SHOC1: variants seen among roughly 807,000 people sequenced by gnomAD.
The protein encoded by SHOC1 is shortage in chiasmata 1.
In SHOC1, 136 loss-of-function variants were observed where a neutral mutation model predicts 179.2. The ratio of observed to expected loss-of-function variants is 0.76; its 90% confidence interval spans 0.66 to 0.87. The LOEUF (loss-of-function observed/expected upper bound fraction) is 0.87, where lower values mean the gene tolerates loss of function less well. Among genes scored for constraint, SHOC1 ranks in the 40% least tolerant of loss-of-function variants. The pLI is 0.00. For synonymous variants in SHOC1, 489 were observed against 586.6 expected, an observed-to-expected ratio of 0.83 and a Z score of 2.41; for missense variants, 1,538 against 1,700.8, an observed-to-expected ratio of 0.90 and a Z score of 1.68.
intron 5 of SHOC1, among the ~76,000 whole-genome samples, chr9:111,765,690 T>TA (rs1835323481): frequency 6.6e-6 from 1 of 152,178 alleles, no homozygotes; most frequent in Non-Finnish European, 1.5e-5. Context: ...TATTTTGAGG[T>TA]AAAATATGCC....
chr9:111,733,791 C>T (rs1194783007), intron 12 of SHOC1, among the ~76,000 whole-genome samples: 4 of 151,848 alleles, frequency 2.6e-5, no homozygotes, highest in African/African-American at 9.7e-5. Flanking sequence ...TTGCATGAAC[C>T]CAGGAGGTAG....
At chr9:111,782,871 A>G in intron 3 of SHOC1, among the ~76,000 whole-genome samples, 1 of 152,198 alleles carries the variant, frequency 6.6e-6, no homozygotes, top group East Asian at 1.9e-4. Context: ...AAACTGATAC[A>G]GAGAACTACC....
intron 2 of SHOC1, among the ~76,000 whole-genome samples, chr9:111,786,383 C>T (rs1269008139): frequency 2.0e-5 from 3 of 151,794 alleles, no homozygotes; most frequent in East Asian, 3.9e-4. Flanking sequence ...TGCAGTGAGC[C>T]GAGATCGCGC....
chr9:111,769,995 T>G (rs1250483215), intron 5 of SHOC1, among the ~76,000 whole-genome samples: 13 of 147,170 alleles, frequency 8.8e-5, no homozygotes, highest in African/African-American at 3.3e-4. Context: ...TGTTTTTTTT[T>G]TTTTTTTTTT....
In SHOC1 at chr9:111,738,457, T is replaced by C; in HGVS notation, c.1240A>G (p.Lys414Glu). The stretch of plus-strand genomic sequence containing the variant: ...AGATTAATCACAAGGCTTTCTTCTT[T>C]AACAGAAAATATCTTTTTCAAATCT... ...VTDLKKIFSV[K>E]EESLVINLEK... The change falls in exon 12 of 28, where the codon AAA (lysine) becomes GAA (glutamate). Residue 414 changes from lysine (K) to glutamate (E), a missense_variant. Coordinates refer to ENST00000682961, the MANE Select transcript of SHOC1 (RefSeq NM_001378211.1). 6.2e-7 allele frequency: 1 copy of C among 1,607,350 alleles called. No homozygotes were observed.
intron 5 of SHOC1, 114 bp from the exon 6 acceptor site, chr9:111,758,962 T>G (rs1368950682): frequency 5.5e-5 from 47 of 861,690 alleles, no homozygotes; most frequent in Non-Finnish European, 2.3e-5. Flanking sequence ...TCAATCACAT[T>G]TTAAACTCTG....
intron 14 of SHOC1, among the ~76,000 whole-genome samples, chr9:111,722,818 AT>A (rs1214841094): frequency 6.6e-6 from 1 of 152,128 alleles, no homozygotes. Context: ...TTATTTATTC[AT>A]TGAGACAGAG....
chr9:111,775,724 C>T, intron 5 of SHOC1, 67 bp downstream of exon 5: 1 of 1,367,946 alleles, frequency 7.3e-7, no homozygotes, highest in Non-Finnish European at 9.8e-7. Context: ...AAACAAAAAA[C>T]TCACTGAAAA....
In SHOC1 at chr9:111,714,632, G is replaced by A; in HGVS notation, c.2237-9C>T. On this transcript the variant is annotated splice_polypyrimidine_tract_variant and intron_variant, in intron 16 of 27. Transcript: ENST00000682961. Reference sequence around the variant, plus strand: ...TGCCTTCGACAAATATCCTATTGAAGCAAAATTAGAAAAAAATTGTCTAAG... The same window carrying A: ...TGCCTTCGACAAATATCCTATTGAAACAAAATTAGAAAAAAATTGTCTAAG... 6.3e-7 allele frequency: 1 copy of A among 1,592,612 alleles called. No individual in the cohort carries two copies. The highest frequency in any genetic ancestry group is 1.4e-5 in the African/African-American group (1 of 73,678).
At chr9:111,749,156 GACTTTGT>G (rs1391736900) in intron 8 of SHOC1, among the ~76,000 whole-genome samples, 1 of 151,868 alleles carries the variant, frequency 6.6e-6, no homozygotes, top group Admixed American at 6.6e-5. Context: ...GAAAGACATA[GACTTTGT>G]ATTTTGTTTT....
At chr9:111,708,051 T>C (rs1832360207) in intron 18 of SHOC1, 127 bp from the exon 19 acceptor site, 3 of 504,538 alleles carry the variant, frequency 5.9e-6, no homozygotes, top group Non-Finnish European at 1.0e-5. Context: ...AAAATACAAT[T>C]TGCTAGATTA....
rs767454352 is a variant in SHOC1, at chr9:111,758,718, G to T, written c.573C>A (p.Ile191=). The change falls in exon 6 of 28, where the codon ATC becomes ATA. Residue 191 remains isoleucine, a synonymous_variant. Transcript: ENST00000682961. ...KDPLLDFKGQ[I]FTEANFSREC... ...ACCTGGAAAAATTAGCTTCTGTGAA[G>T]ATCTGTCCTTTGAAATCTAAAAGAG... is the stretch of plus-strand genomic sequence containing the variant. The T allele has an allele frequency of 6.3e-7, 1 of 1,587,326 alleles. No individual in the cohort carries two copies. The highest frequency in any genetic ancestry group is 1.9e-5 in the Admixed American group (1 of 51,540).
At chr9:111,689,935 G>A (rs1831352867) in intron 27 of SHOC1, among the ~76,000 whole-genome samples, 2 of 152,078 alleles carry the variant, frequency 1.3e-5, no homozygotes, top group African/African-American at 2.4e-5. Context: ...AGTGCCCTGT[G>A]TTCAAGAACA....
chr9:111,692,038 A>C lies in SHOC1; in HGVS notation c.3939T>G (p.Thr1313=). 6.2e-7 allele frequency: 1 copy of C among 1,613,642 alleles called. No homozygotes were observed. The highest frequency in any genetic ancestry group is 8.5e-7 in the Non-Finnish European group (1 of 1,179,826). The part of the protein sequence containing the change: ...NCETIKSPTD[T]QKRVSVVPRF... ...GGGGGACAACTGACACTCTCTTCTG[A>C]GTGTCAGTTGGTGATTTTATAGTTT... Residue 1313 remains threonine, a synonymous_variant, in exon 27 of 28, where the codon ACT becomes ACG. Coordinates refer to ENST00000682961, the MANE Select transcript of SHOC1 (RefSeq NM_001378211.1).
chr9:111,754,774 AAATG>A (rs1307271615), intron 8 of SHOC1, among the ~76,000 whole-genome samples: 2 of 152,240 alleles, frequency 1.3e-5, no homozygotes, highest in Admixed American at 6.5e-5. Context: ...TTAGCCATAA[AAATG>A]AATGAAGTAC....
chr9:111,756,566 G>T, intron 7 of SHOC1, 88 bp from the exon 8 acceptor site: 2 of 1,117,636 alleles, frequency 1.8e-6, no homozygotes, highest in Non-Finnish European at 2.6e-6. Context: ...TTGCTTAAAT[G>T]ATGTGCCAAA....
intron 6 of SHOC1, 73 bp from the exon 7 acceptor site, chr9:111,758,268 TA>T: frequency 1.3e-6 from 1 of 774,154 alleles, no homozygotes; most frequent in South Asian, 2.0e-5. Context: ...CCAAAACACA[TA>T]ATCATTAAAA....
At position 111,758,812 on chromosome 9, in the gene SHOC1, C is replaced by T. The variant is rs771157636; in HGVS notation, c.479G>A (p.Ser160Asn). The T allele has an allele frequency of 1.9e-6, 3 of 1,567,242 alleles. No individual in the cohort carries two copies. In the African/African-American group the frequency reaches 4.1e-5, roughly 21 times the overall value. The change falls in exon 6 of 28, where the codon AGT becomes AAT. Residue 160 changes from serine (S) to asparagine (N), a missense_variant. By Grantham distance (46) the Ser-to-Asn change is conservative. Coordinates refer to ENST00000682961, the MANE Select transcript of SHOC1 (RefSeq NM_001378211.1). ...CAAAGTTGGTAGGTGTTTTCTACTA[C>T]TTACAAAAAGTATTCCTTTATCATC... ...FIDDKGILFV[S>N]SRKHLPTLPT...
At chr9:111,765,697 T>G (rs1835323701) in intron 5 of SHOC1, among the ~76,000 whole-genome samples, 1 of 152,190 alleles carries the variant, frequency 6.6e-6, no homozygotes, top group Non-Finnish European at 1.5e-5. Context: ...AGGTAAAATA[T>G]GCCTATTAAA....
Sources: allele counts gnomAD v4.1 joint callset (sites outside exome capture counted in the v4.1 genomes callset), GRCh38; gene constraint gnomAD v4.1.1; transcripts MANE v1.5; gene names NCBI Gene and HGNC (gene_info 2026-07-23, HGNC 2026-07-21).